Variants in PHACTR1 observed in about 807,000 individuals in gnomAD.
The protein encoded by PHACTR1 is phosphatase and actin regulator 1, also known as RPEL repeat containing 1.
A neutral mutation model predicts 69.2 loss-of-function variants in PHACTR1; 16 were observed. That is an observed-to-expected ratio of 0.23 (90% confidence interval 0.16 to 0.35). PHACTR1 has a LOEUF of 0.35. Ranked by LOEUF, PHACTR1 falls within the 10% of genes least tolerant of loss-of-function variation. PHACTR1 has a pLI of 1.00. For synonymous variants in PHACTR1, 312 were observed against 284.5 expected (o/e 1.10, Z -0.97); for missense variants, 510 against 734.7 (o/e 0.69, Z 3.54).
intron 4 of PHACTR1, among the ~76,000 whole-genome samples, chr6:12,863,632 C>A (rs770756332): frequency 4.6e-5 from 7 of 152,116 alleles, no homozygotes; most frequent in Non-Finnish European, 1.0e-4. Flanking sequence ...AAGTGCAGTC[C>A]TGGGAGGACA....
At chr6:13,071,588 G>A (rs961746947) in intron 5 of PHACTR1, among the ~76,000 whole-genome samples, 5 of 152,126 alleles carry the variant, frequency 3.3e-5, no homozygotes, top group Non-Finnish European at 2.9e-5. Flanking sequence ...AAGTCAGAGC[G>A]CTAATGATGT....
chr6:12,912,781 C>T (rs1342702484), intron 4 of PHACTR1, among the ~76,000 whole-genome samples: 2 of 152,124 alleles, frequency 1.3e-5, no homozygotes, highest in Admixed American at 6.5e-5. Flanking sequence ...GGCAAAACCC[C>T]ATCTCTACTA....
intron 4 of PHACTR1, among the ~76,000 whole-genome samples, chr6:12,914,250 A>G (rs1786723027): frequency 6.6e-6 from 1 of 152,180 alleles, no homozygotes; most frequent in South Asian, 2.1e-4. Flanking sequence ...TGCCTGCCTC[A>G]GCCTCCCAAA....
intron 4 of PHACTR1, among the ~76,000 whole-genome samples, chr6:12,864,537 G>A (rs1395035220): frequency 7.2e-5 from 11 of 152,122 alleles, no homozygotes; most frequent in Admixed American, 1.3e-4. Context: ...AAAATTAGCC[G>A]GTCATGGTGG....
chr6:13,286,768 A>G (rs1372479538), intron 14 of PHACTR1, among the ~76,000 whole-genome samples: 1 of 152,274 alleles, frequency 6.6e-6, no homozygotes, highest in Non-Finnish European at 1.5e-5. Context: ...TGGGGGGAAC[A>G]TTTAGAGAAA....
In PHACTR1 at chr6:13,170,150, T is replaced by C. The variant is rs187321848; in HGVS notation, c.496+9866T>C. 5.8e-4 allele frequency among the ~76,000 whole-genome samples: 88 copies of C among 152,310 alleles called. No individual in the cohort carries two copies. The East Asian group carries it at 0.012, about 21-fold the overall frequency. On this transcript the variant is annotated intron_variant, in intron 6 of 14. Transcript: ENST00000332995. ...CAGGGAACAAACGAAGGCTATATCT[T>C]CTTGGTATCTTGATGACAGCAAGAA...
intron 10 of PHACTR1, among the ~76,000 whole-genome samples, chr6:13,252,814 C>T (rs1428721103): frequency 6.8e-6 from 1 of 147,862 alleles, no homozygotes; most frequent in Non-Finnish European, 1.5e-5. Context: ...AATTTATGGA[C>T]CATGGGTCAG....
chr6:13,248,221 T>A (rs1773860676), intron 10 of PHACTR1, among the ~76,000 whole-genome samples: 1 of 152,184 alleles, frequency 6.6e-6, no homozygotes, highest in Non-Finnish European at 1.5e-5. Context: ...GAAATCTGAT[T>A]CTCTTCCCAC....
At position 12,960,765 on chromosome 6, in the gene PHACTR1, C is replaced by T. The variant is rs557397352; in HGVS notation, c.251-92600C>T. ...CTCAGGGATCCTGTAGGCTTTTACCCGACTTGGAAAATTCCCGCAGATGGG... is the reference window on the plus strand; with the variant it reads ...CTCAGGGATCCTGTAGGCTTTTACCTGACTTGGAAAATTCCCGCAGATGGG... On this transcript the variant is annotated intron_variant, in intron 4 of 14. Coordinates refer to ENST00000332995, the MANE Select transcript of PHACTR1 (RefSeq NM_030948.6). 1.4e-3 allele frequency among the ~76,000 whole-genome samples: 217 copies of T among 152,250 alleles called. 1 individual carries two copies. The highest frequency in any genetic ancestry group is 4.9e-3 in the African/African-American group (203 of 41,544).
chr6:12,945,322 C>G (rs899982339), intron 4 of PHACTR1, among the ~76,000 whole-genome samples: 1 of 152,206 alleles, frequency 6.6e-6, no homozygotes, highest in South Asian at 2.1e-4. Context: ...ATAGCTCTTA[C>G]TGCATTTTGT....
intron 4 of PHACTR1, among the ~76,000 whole-genome samples, chr6:12,990,459 C>T (rs1176118524): frequency 6.6e-6 from 1 of 152,196 alleles, no homozygotes; most frequent in Non-Finnish European, 1.5e-5. Context: ...TTCACTCGCT[C>T]GAACTTGCTA....
intron 5 of PHACTR1, among the ~76,000 whole-genome samples, chr6:13,115,842 C>T (rs1817736582): frequency 6.6e-6 from 1 of 152,128 alleles, no homozygotes; most frequent in African/African-American, 2.4e-5. Context: ...CAGAGTTAAG[C>T]CTAAGGGATG....
At chr6:13,071,072 A>T (rs1809444172) in intron 5 of PHACTR1, among the ~76,000 whole-genome samples, 1 of 151,874 alleles carries the variant, frequency 6.6e-6, no homozygotes, top group Non-Finnish European at 1.5e-5. Flanking sequence ...CCTGAAGGAG[A>T]GTTGGGTGAA....
intron 6 of PHACTR1, among the ~76,000 whole-genome samples, chr6:13,176,389 A>G (rs1295218430): frequency 2.0e-5 from 3 of 152,146 alleles, no homozygotes; most frequent in Non-Finnish European, 4.4e-5. Context: ...CGTCACTCAC[A>G]TGGTCATTTC....
intron 10 of PHACTR1, among the ~76,000 whole-genome samples, chr6:13,241,860 C>G (rs985890409): frequency 3.3e-5 from 5 of 149,724 alleles, no homozygotes; most frequent in African/African-American, 5.0e-5. Context: ...CCCATCTCTA[C>G]TAAAAATGCA....
intron 4 of PHACTR1, among the ~76,000 whole-genome samples, chr6:13,033,875 G>A (rs1297167662): frequency 8.9e-6 from 1 of 112,690 alleles, no homozygotes. Context: ...ATATAATAAA[G>A]CAAAATGGTC....
chr6:13,045,928 TTGGGTC>T (rs1804956835), intron 4 of PHACTR1, among the ~76,000 whole-genome samples: 2 of 152,174 alleles, frequency 1.3e-5, no homozygotes, highest in South Asian at 4.1e-4. Flanking sequence ...GCTGAGAAGT[TTGGGTC>T]CAGGTATATG....
chr6:13,070,771 G>C (rs1452506481), intron 5 of PHACTR1, among the ~76,000 whole-genome samples: 1 of 151,990 alleles, frequency 6.6e-6, no homozygotes, highest in African/African-American at 2.4e-5. Context: ...TCCCAAGGCA[G>C]AGAAAGATAC....
intron 5 of PHACTR1, among the ~76,000 whole-genome samples, chr6:13,158,519 TC>T (rs1293731949): frequency 6.6e-6 from 1 of 152,242 alleles, no homozygotes; most frequent in Non-Finnish European, 1.5e-5. Context: ...CTCCCTCATA[TC>T]ACTTAATTCA....
Sources: gnomAD v4.1 joint callset for allele counts (sites outside exome capture counted in the v4.1 genomes callset) on GRCh38, gnomAD v4.1.1 for gene constraint, MANE v1.5 for transcripts, NCBI Gene and HGNC (gene_info 2026-07-23, HGNC 2026-07-21) for gene names.